The following KCNMA1 variants were observed in gnomAD, a reference collection of about 807,000 sequenced individuals.
KCNMA1 encodes the protein Calcium-activated potassium channel subunit alpha-1.
KCNMA1 carries 29 observed loss-of-function variants against 140.0 expected under a neutral mutation model. The ratio of observed to expected loss-of-function variants is 0.21; its 90% CI spans 0.15 to 0.28. KCNMA1 has a LOEUF of 0.28. KCNMA1 is among the 10% of genes least tolerant of loss of function. The probability of loss-of-function intolerance (pLI) is 1.00; values close to 1 mark genes in which losing one functional copy is unlikely to be tolerated. For missense variants in KCNMA1, 880 were observed against 1,602.2 expected (o/e 0.55, Z 7.70); for synonymous variants, 612 against 611.9 (o/e 1.00, Z 0.00).
intron 1 of KCNMA1, among the ~76,000 whole-genome samples, chr10:77,605,211 G>A (rs2084037100): frequency 6.6e-6 from 1 of 152,232 alleles, no homozygotes; most frequent in South Asian, 2.1e-4. Context: ...GAAGGGCCCT[G>A]TGTTGGGTGC....
chr10:77,198,568 GATAT>G (rs3998087), intron 3 of KCNMA1, among the ~76,000 whole-genome samples: 28,413 of 138,390 alleles, frequency 0.21, 3,257 homozygotes, highest in Non-Finnish European at 0.26. Context: ...ATATATATGT[GATAT>G]ATATATATAT....
Position 77,177,454 on chromosome 10 carries a change from CT to C in KCNMA1, c.808+5966del, listed in dbSNP as rs535756350. Among the ~76,000 whole-genome samples the C allele has an allele frequency of 3.5e-5, 5 of 143,114 alleles. No homozygotes were observed. The South Asian group carries it at 1.1e-3, about 31-fold the overall frequency. 93.9% of individuals were successfully genotyped at this position (143,114 alleles called of 152,430 possible). A position where few individuals can be genotyped will look rare whatever the true frequency, so the allele number is the denominator to read the frequency against. ...TCCTTCTTTCCTTTTCTTTTCCTTCCTCTTTCTCTGTTTCTCTTTCTCTCTT... is the reference window on the plus strand; with the variant it reads ...TCCTTCTTTCCTTTTCTTTTCCTTCCCTTTCTCTGTTTCTCTTTCTCTCTT... On this transcript the variant is annotated intron_variant, in intron 5 of 27. Coordinates refer to ENST00000286628, the MANE Select transcript of KCNMA1 (RefSeq NM_001161352.2).
At chr10:77,169,641 A>G (rs2098681263) in intron 5 of KCNMA1, among the ~76,000 whole-genome samples, 1 of 152,048 alleles carries the variant, frequency 6.6e-6, no homozygotes, top group Non-Finnish European at 1.5e-5. Context: ...TGGGCTCTCA[A>G]AGTGCTGGGA....
intron 2 of KCNMA1, among the ~76,000 whole-genome samples, chr10:77,289,306 T>C (rs1240884758): frequency 6.6e-6 from 1 of 152,164 alleles, no homozygotes; most frequent in Non-Finnish European, 1.5e-5. Flanking sequence ...ATGCCCTAAG[T>C]GTCTGAGAGG....
intron 18 of KCNMA1, 62 bp from the exon 19 acceptor site, chr10:77,001,642 C>A: frequency 7.3e-7 from 1 of 1,363,762 alleles, no homozygotes; most frequent in Non-Finnish European, 1.0e-6. Context: ...AGGTCACACA[C>A]AGCAAGGCAG....
rs55655308 is a variant in KCNMA1 at position 76,941,053 on chromosome 10, G to GAAAGAAAGAAAGAA, written c.2902+3719_2902+3720insTTCTTTCTTTCTTT. 4.8e-3 allele frequency among the ~76,000 whole-genome samples: 264 copies of GAAAGAAAGAAAGAA among 55,100 alleles called. 9 individuals carry two copies. The highest frequency in any genetic ancestry group is 9.5e-3 in the East Asian group (9 of 948). 36.1% of individuals were successfully genotyped at this position (55,100 alleles called of 152,430 possible). On this transcript the variant is annotated intron_variant, in intron 23 of 27. Transcript: ENST00000286628. The stretch of plus-strand genomic sequence containing the variant: ...AGAAAGAAAGAAAGAAAGAAAGAAA[G>GAAAGAAAGAAAGAA]AGAAAGAAAGAAAGAAAAAGAAAGA...
rs770093281 is a variant in KCNMA1, at chr10:77,087,454, G to A, written c.1335-861C>T. 4.6e-5 allele frequency among the ~76,000 whole-genome samples: 7 copies of A among 152,156 alleles called. 1 individual carries two copies. Among genetic ancestry groups the A allele is most frequent in the African/African-American group, 1.4e-4 (6 of 41,426 alleles). On this transcript the variant is annotated intron_variant, in intron 10 of 27. Coordinates refer to ENST00000286628, the MANE Select transcript of KCNMA1 (RefSeq NM_001161352.2). ...TGACTAATACAATCAAGGATTAGCC[G>A]AAGGTTCCCCTGGGAGAGGCATCCT...
At chr10:76,951,246 C>A (rs1441827698) in intron 21 of KCNMA1, among the ~76,000 whole-genome samples, 1 of 152,150 alleles carries the variant, frequency 6.6e-6, no homozygotes, top group Non-Finnish European at 1.5e-5. Context: ...AGCTACATCA[C>A]CCAGAGAACC....
intron 23 of KCNMA1, among the ~76,000 whole-genome samples, chr10:76,933,132 G>A (rs1266460050): frequency 6.6e-6 from 1 of 152,202 alleles, no homozygotes; most frequent in East Asian, 1.9e-4. Context: ...GTGCCCAGTT[G>A]TCAAATGAAG....
At chr10:77,402,345 C>T (rs1043077062) in intron 2 of KCNMA1, among the ~76,000 whole-genome samples, 1 of 152,210 alleles carries the variant, frequency 6.6e-6, no homozygotes, top group Non-Finnish European at 1.5e-5. Context: ...TGGGTCACAC[C>T]AGACTGAATT....
At chr10:77,107,126 G>A (rs1455573902) in intron 9 of KCNMA1, among the ~76,000 whole-genome samples, 3 of 152,136 alleles carry the variant, frequency 2.0e-5, no homozygotes, top group Non-Finnish European at 2.9e-5. Context: ...TGTCCCACAC[G>A]GCTGACTGTC....
intron 19 of KCNMA1, 119 bp downstream of exon 19, chr10:77,001,288 T>C: frequency 1.1e-6 from 1 of 904,376 alleles, no homozygotes; most frequent in Non-Finnish European, 1.8e-6. Flanking sequence ...CACACAGGAG[T>C]TCACACTGGG....
intron 14 of KCNMA1, among the ~76,000 whole-genome samples, chr10:77,068,298 AT>A (rs1182371749): frequency 6.6e-6 from 1 of 152,206 alleles, no homozygotes; most frequent in Non-Finnish European, 1.5e-5. Context: ...CTTGATTTAC[AT>A]TTTTAGCTGC....
At chr10:77,255,981 G>A (rs2060654112) in intron 2 of KCNMA1, among the ~76,000 whole-genome samples, 1 of 152,006 alleles carries the variant, frequency 6.6e-6, no homozygotes, top group Non-Finnish European at 1.5e-5. Flanking sequence ...AAAATGGGGA[G>A]GAGAGAGGGG....
At chr10:77,596,998 G>A (rs904879063) in intron 1 of KCNMA1, among the ~76,000 whole-genome samples, 1 of 152,266 alleles carries the variant, frequency 6.6e-6, no homozygotes, top group Non-Finnish European at 1.5e-5. Context: ...AGAAATTGGC[G>A]ACAACCTTTC....
intron 14 of KCNMA1, among the ~76,000 whole-genome samples, chr10:77,066,076 G>T (rs866477691): frequency 5.3e-5 from 8 of 152,342 alleles, no homozygotes; most frequent in Admixed American, 2.0e-4. Flanking sequence ...ACTTTATTCA[G>T]ATGAGATGGG....
In KCNMA1 at chr10:77,295,787, C is replaced by CAAAAAAAAAAAAAAAAA. The variant is rs36034012; in HGVS notation, c.541-44548_541-44532dup. ...TGGGCGACAGAGCGAGACTCCGTCT[C>CAAAAAAAAAAAAAAAAA]AAAAAAAAAAAAAAAAAAAAAAAAA... is the stretch of plus-strand genomic sequence containing the variant. On this transcript the variant is annotated intron_variant, in intron 2 of 27. Coordinates refer to ENST00000286628, the MANE Select transcript of KCNMA1 (RefSeq NM_001161352.2). Among the ~76,000 whole-genome samples the CAAAAAAAAAAAAAAAAA allele has an allele frequency of 2.5e-4, 11 of 43,258 alleles. 3 individuals carry two copies. The highest frequency in any genetic ancestry group is 7.7e-4 in the African/African-American group (9 of 11,740). The allele number at this position is 43,258 out of a possible 152,430, so 28.4% of individuals were successfully genotyped here. A position where few individuals can be genotyped will look rare whatever the true frequency, so the allele number is the denominator to read the frequency against.
At chr10:77,242,523 G>T (rs2057521426) in intron 3 of KCNMA1, among the ~76,000 whole-genome samples, 1 of 152,138 alleles carries the variant, frequency 6.6e-6, no homozygotes, top group Non-Finnish European at 1.5e-5. Flanking sequence ...TCAACCTTCA[G>T]CACTTACTGT....
At chr10:77,495,087 G>A (rs2041378767) in intron 1 of KCNMA1, among the ~76,000 whole-genome samples, 1 of 152,076 alleles carries the variant, frequency 6.6e-6, no homozygotes, top group Non-Finnish European at 1.5e-5. Context: ...AGGTACGGAG[G>A]GCTAGGACTT....
Sources: allele counts gnomAD v4.1 joint callset (sites outside exome capture counted in the v4.1 genomes callset), GRCh38; gene constraint gnomAD v4.1.1; transcripts MANE v1.5; gene names NCBI Gene and HGNC (gene_info 2026-07-23, HGNC 2026-07-21).